Variants in IFI16 observed in about 807,000 individuals in gnomAD.
IFI16 encodes interferon gamma inducible protein 16.
A neutral mutation model predicts 68.4 loss-of-function variants in IFI16; 49 were observed. The ratio of observed to expected loss-of-function variants is 0.72; its 90% CI spans 0.57 to 0.91. IFI16 has a LOEUF of 0.91. Among genes scored for constraint, IFI16 ranks in the 40% least tolerant of loss-of-function variants. The probability of loss-of-function intolerance (pLI) is 0.00; values close to 1 mark genes in which losing one functional copy is unlikely to be tolerated. For missense variants in IFI16, 878 were observed against 942.9 expected, an observed-to-expected ratio of 0.93 and a Z score of 0.90; for synonymous variants, 307 against 315.0, an observed-to-expected ratio of 0.97 and a Z score of 0.27.
chr1:159,037,593 TATATTAAA>T (rs1384131587), intron 7 of IFI16, among the ~76,000 whole-genome samples: 6 of 152,216 alleles, frequency 3.9e-5, no homozygotes, highest in African/African-American at 1.4e-4. Flanking sequence ...AATCAGCTAC[TATATTAAA>T]ATATTACTCA....
intron 6 of IFI16, among the ~76,000 whole-genome samples, chr1:159,025,303 GACTTA>G (rs1653589473): frequency 6.6e-6 from 1 of 151,732 alleles, no homozygotes; most frequent in Non-Finnish European, 1.5e-5. Flanking sequence ...GGGGCATTGT[GACTTA>G]CCTGGCCACC....
chr1:159,043,635 T>A (rs1210560684), intron 7 of IFI16, among the ~76,000 whole-genome samples: 3 of 151,694 alleles, frequency 2.0e-5, no homozygotes, highest in South Asian at 4.2e-4. Flanking sequence ...TCTTTCTGAC[T>A]TTTTAATTCA....
chr1:159,014,640 A>G (rs755485979), intron 1 of IFI16, 21 bp from the exon 2 acceptor site: 42 of 1,514,108 alleles, frequency 2.8e-5, no homozygotes, highest in Non-Finnish European at 3.5e-5. Context: ...GTAACACTGT[A>G]TATACCATTT....
In IFI16 at chr1:159,052,030, C is replaced by T. The variant is rs754910559; in HGVS notation, c.2017C>T (p.Pro673Ser). 5 of 1,613,834 alleles carry T rather than the reference C, an allele frequency of 3.1e-6. No homozygotes were observed. In the South Asian group the frequency reaches 3.3e-5, roughly 11 times the overall value. Reference sequence around the variant, plus strand: ...ATTGATTAGAAGTGCCAGCGTAACTCCTAAAATCAATCAGCTTTGCTCACA... The same window carrying T: ...ATTGATTAGAAGTGCCAGCGTAACTTCTAAAATCAATCAGCTTTGCTCACA... Reference protein sequence around the residue: ...KGLIRSASVTPKINQLCSQTK... With the variant: ...KGLIRSASVTSKINQLCSQTK... Residue 673 changes from proline (P) to serine (S), a missense_variant, in exon 10 of 12, where the codon CCT becomes TCT. Pro to Ser is a moderately conservative substitution (Grantham distance 74). Coordinates refer to ENST00000295809, the MANE Select transcript of IFI16 (RefSeq NM_001376587.1).
Position 159,014,732 on chromosome 1 carries a change from A to G in IFI16, c.52A>G (p.Asn18Asp). 1.2e-6 allele frequency: 2 copies of G among 1,609,352 alleles called. No homozygotes were observed. The highest frequency in any genetic ancestry group is 1.7e-6 in the Non-Finnish European group (2 of 1,175,934). ...IVLLKGLEVI[N>D]DYHFRMVKSL... is the part of the protein sequence containing the mutation. The stretch of plus-strand genomic sequence containing the variant: ...TCTACTAAAAGGATTAGAGGTCATC[A>G]ATGATTATCATTTTAGAATGGTTAA... The change falls in exon 2 of 12, where the codon AAT becomes GAT. Residue 18 changes from asparagine (N) to aspartate (D), a missense_variant. Around this residue, in one of 4 missense-constraint regions of IFI16, gnomAD observed 65 missense variants for 96.9 expected, o/e 0.67. Transcript: ENST00000295809.
chr1:159,014,372 C>T (rs1189522383), intron 1 of IFI16, among the ~76,000 whole-genome samples: 1 of 152,012 alleles, frequency 6.6e-6, no homozygotes, highest in Non-Finnish European at 1.5e-5. Flanking sequence ...GGCTTTGACA[C>T]TGCAGAGCTC....
chr1:159,018,133 G>C, intron 4 of IFI16, 96 bp from the exon 5 acceptor site: 1 of 1,023,144 alleles, frequency 9.8e-7, no homozygotes, highest in Non-Finnish European at 1.5e-6. Context: ...ATCTGTGCAA[G>C]TTTTGGGGCC....
intron 8 of IFI16, among the ~76,000 whole-genome samples, chr1:159,047,519 T>C (rs1244717813): frequency 6.7e-6 from 1 of 149,734 alleles, no homozygotes; most frequent in African/African-American, 2.4e-5. Context: ...TGACACTTTC[T>C]AAGACCTTGC....
At chr1:159,005,294 C>T (rs1205686289), upstream of IFI16, among the ~76,000 whole-genome samples, 1 of 152,158 alleles carries the variant, frequency 6.6e-6, no homozygotes, top group Non-Finnish European at 1.5e-5. Flanking sequence ...TATGCATGTC[C>T]ATTACAGGGA....
chr1:159,049,660 C>A (rs1265541146), intron 9 of IFI16, 61 bp downstream of exon 9: 3 of 1,600,206 alleles, frequency 1.9e-6, no homozygotes, highest in African/African-American at 1.3e-5. Flanking sequence ...AGGATTAACA[C>A]AACCGTGAAA....
chr1:159,023,364 A>G (rs375897825), intron 6 of IFI16, among the ~76,000 whole-genome samples: 4 of 152,244 alleles, frequency 2.6e-5, no homozygotes, highest in East Asian at 3.9e-4. Context: ...GTAGGTCCTA[A>G]TTGCTTAGCT....
intron 8 of IFI16, among the ~76,000 whole-genome samples, chr1:159,048,084 G>C (rs1216057343): frequency 2.0e-5 from 3 of 149,592 alleles, no homozygotes; most frequent in Non-Finnish European, 4.5e-5. Flanking sequence ...CAGATCTGAA[G>C]AGAGGGGCTT....
chr1:159,015,345 A>G (rs1361565), intron 2 of IFI16, among the ~76,000 whole-genome samples: 13,454 of 152,284 alleles, frequency 0.088, 658 homozygotes, highest in Middle Eastern at 0.13. Flanking sequence ...ATTTAAAAAA[A>G]TGCAATACTT....
chr1:159,037,895 A>C (rs1050178570), intron 7 of IFI16, among the ~76,000 whole-genome samples: 1 of 152,158 alleles, frequency 6.6e-6, no homozygotes, highest in East Asian at 1.9e-4. Context: ...TAACAATAAA[A>C]ATATTGTTCT....
At chr1:159,004,938 C>T (rs370903074), upstream of IFI16, among the ~76,000 whole-genome samples, 7 of 152,086 alleles carry the variant, frequency 4.6e-5, no homozygotes, top group South Asian at 8.3e-4. Flanking sequence ...GAGATAAAGC[C>T]GGAGAAGTAG....
chr1:159,050,635 C>G (rs1008013027), intron 9 of IFI16, among the ~76,000 whole-genome samples: 11 of 151,996 alleles, frequency 7.2e-5, no homozygotes, highest in Admixed American at 3.9e-4. Context: ...CTCTAAGACT[C>G]CCTTGATCCC....
upstream of IFI16, among the ~76,000 whole-genome samples, chr1:159,003,598 C>A (rs924736928): frequency 6.6e-6 from 1 of 151,674 alleles, no homozygotes; most frequent in Non-Finnish European, 1.5e-5. Context: ...AAGACCAAGG[C>A]GATAGGTATT....
chr1:159,024,386 T>A (rs1009082773), intron 6 of IFI16, among the ~76,000 whole-genome samples: 1 of 152,232 alleles, frequency 6.6e-6, no homozygotes, highest in East Asian at 1.9e-4. Context: ...CTAGAGTTAG[T>A]TAAGGTGGAG....
intron 11 of IFI16, among the ~76,000 whole-genome samples, chr1:159,054,536 G>C (rs767440971): frequency 6.6e-6 from 1 of 152,148 alleles, no homozygotes; most frequent in South Asian, 2.1e-4. Flanking sequence ...GGGTGCACCA[G>C]CTCCTTTCTC....
Sources: allele counts gnomAD v4.1 joint callset (sites outside exome capture counted in the v4.1 genomes callset), GRCh38; gene constraint gnomAD v4.1.1; regional missense constraint gnomAD v4.1.1; transcripts MANE v1.5; gene names NCBI Gene and HGNC (gene_info 2026-07-23, HGNC 2026-07-21).